Variants in FHIT observed in about 807,000 individuals in gnomAD.
The protein encoded by FHIT is fragile histidine triad diadenosine triphosphatase, also known as bis(5'-adenosyl)-triphosphatase.
Under a neutral mutation model 17.9 loss-of-function variants are expected in FHIT, and 19 were observed. That is an observed-to-expected ratio of 1.06 (90% confidence interval 0.74 to 1.56). FHIT has a LOEUF of 1.56. Among genes scored for constraint, FHIT ranks in the 40% most tolerant of loss-of-function variants. The pLI is 0.00. For synonymous variants in FHIT, 81 were observed against 69.7 expected (o/e 1.16, Z -0.81); for missense variants, 248 against 189.2 (o/e 1.31, Z -1.82).
intron 4 of FHIT, among the ~76,000 whole-genome samples, chr3:60,718,332 T>A (rs1195092815): frequency 6.6e-6 from 1 of 152,220 alleles, no homozygotes; most frequent in Non-Finnish European, 1.5e-5. Context: ...ATTCCTGGGA[T>A]CTTTCACATG....
chr3:60,869,502 G>A (rs1429923466), intron 3 of FHIT, among the ~76,000 whole-genome samples: 2 of 152,232 alleles, frequency 1.3e-5, no homozygotes, highest in African/African-American at 4.8e-5. Flanking sequence ...ACCTGTCATA[G>A]TTCTAGCCAC....
chr3:61,127,061 G>A (rs2036627805), intron 2 of FHIT, among the ~76,000 whole-genome samples: 1 of 152,212 alleles, frequency 6.6e-6, no homozygotes, highest in African/African-American at 2.4e-5. Flanking sequence ...CATCATAGTT[G>A]CCATCTCTTC....
At chr3:61,130,317 T>A (rs959889688) in intron 2 of FHIT, among the ~76,000 whole-genome samples, 1 of 152,242 alleles carries the variant, frequency 6.6e-6, no homozygotes, top group Non-Finnish European at 1.5e-5. Context: ...GTGTTACTTA[T>A]GAGTCCTCTG....
intron 5 of FHIT, among the ~76,000 whole-genome samples, chr3:60,176,502 T>A (rs34655159): frequency 0.4 from 61,511 of 152,086 alleles, 12,979 homozygotes; most frequent in East Asian, 0.52. Flanking sequence ...TTTAAGCATG[T>A]GTAGTACAGG....
intron 5 of FHIT, among the ~76,000 whole-genome samples, chr3:60,157,899 T>C (rs1700771505): frequency 6.8e-6 from 1 of 146,324 alleles, no homozygotes; most frequent in Non-Finnish European, 1.5e-5. Context: ...TGTGAAGACT[T>C]TGTCTTCAGG....
intron 4 of FHIT, among the ~76,000 whole-genome samples, chr3:60,725,654 A>G (rs2041902958): frequency 6.6e-6 from 1 of 152,134 alleles, no homozygotes; most frequent in African/African-American, 2.4e-5. Context: ...AACTTTTGCA[A>G]TTGGTGTTCT....
chr3:60,988,237 A>G (rs1383843436), intron 3 of FHIT, among the ~76,000 whole-genome samples: 5 of 152,228 alleles, frequency 3.3e-5, no homozygotes, highest in Non-Finnish European at 7.3e-5. Flanking sequence ...AAGAGAAAAA[A>G]TGTAATGTAA....
chr3:61,036,075 C>T (rs1023937868), intron 3 of FHIT, among the ~76,000 whole-genome samples: 2 of 152,180 alleles, frequency 1.3e-5, no homozygotes, highest in South Asian at 4.1e-4. Flanking sequence ...TTAATTGGCT[C>T]ACAGTTCTGG....
intron 5 of FHIT, among the ~76,000 whole-genome samples, chr3:60,468,079 G>T (rs2107438353): frequency 6.6e-6 from 1 of 152,078 alleles, no homozygotes; most frequent in Admixed American, 6.5e-5. Context: ...TTGTCTTGAA[G>T]GCTATTTTGT....
chr3:60,003,493 A>G (rs1302340492), intron 7 of FHIT, among the ~76,000 whole-genome samples: 1 of 152,118 alleles, frequency 6.6e-6, no homozygotes, highest in Non-Finnish European at 1.5e-5. Flanking sequence ...AAATGGTTCC[A>G]GAGCACTTTA....
At chr3:61,227,786 A>C (rs568015437) in intron 1 of FHIT, among the ~76,000 whole-genome samples, 3 of 152,280 alleles carry the variant, frequency 2.0e-5, no homozygotes, top group East Asian at 3.9e-4. Flanking sequence ...GGATATATTC[A>C]TGAGTATGTT....
intron 4 of FHIT, among the ~76,000 whole-genome samples, chr3:60,741,415 G>A (rs1553713839): frequency 6.6e-6 from 1 of 152,222 alleles, no homozygotes; most frequent in African/African-American, 2.4e-5. Context: ...CAAGTGGTCT[G>A]GCAGAAGCAT....
chr3:60,117,859 A>C lies in FHIT; in HGVS notation c.104-103707T>G, dbSNP rs1705048217. On this transcript the variant is annotated intron_variant, in intron 5 of 9. Transcript: ENST00000492590. ...CCTTCAGGATGTTCAAGGAGGAAGA[A>C]AGACCACCAACTGCAGGGTCAGTAC... Among the ~76,000 whole-genome samples, 3 of 152,164 alleles carry C rather than the reference A, an allele frequency of 2.0e-5. No individual in the cohort carries two copies. In the South Asian group the frequency reaches 6.2e-4, roughly 32 times the overall value.
At chr3:60,302,875 T>G (rs983946849) in intron 5 of FHIT, among the ~76,000 whole-genome samples, 1 of 152,154 alleles carries the variant, frequency 6.6e-6, no homozygotes, top group Admixed American at 6.5e-5. Context: ...TAAGGTATCT[T>G]AGACAAGACT....
At chr3:60,233,783 G>A (rs1422112480) in intron 5 of FHIT, among the ~76,000 whole-genome samples, 1 of 152,088 alleles carries the variant, frequency 6.6e-6, no homozygotes, top group Non-Finnish European at 1.5e-5. Context: ...TCTTGTGATA[G>A]TGAGTAAGTC....
At chr3:60,803,000 C>A (rs1553732786) in intron 4 of FHIT, among the ~76,000 whole-genome samples, 2 of 152,044 alleles carry the variant, frequency 1.3e-5, no homozygotes, top group African/African-American at 4.8e-5. Flanking sequence ...GGATGTTTGC[C>A]AAACCAAACC....
intron 5 of FHIT, among the ~76,000 whole-genome samples, chr3:60,177,599 A>T (rs572799335): frequency 2.6e-5 from 4 of 152,306 alleles, no homozygotes; most frequent in South Asian, 2.1e-4. Flanking sequence ...AAAGGTGTTT[A>T]TTGAAAGTGG....
chr3:60,062,460 T>C (rs1702331880), intron 5 of FHIT, among the ~76,000 whole-genome samples: 1 of 152,136 alleles, frequency 6.6e-6, no homozygotes, highest in African/African-American at 2.4e-5. Flanking sequence ...TTTAAAACAA[T>C]CCATTAAGAA....
chr3:61,022,439 T>C (rs1342425712), intron 3 of FHIT, among the ~76,000 whole-genome samples: 2 of 152,194 alleles, frequency 1.3e-5, no homozygotes, highest in Non-Finnish European at 2.9e-5. Flanking sequence ...TACCATTCCT[T>C]CTGAAACTAT....
Sources: gnomAD v4.1 joint callset for allele counts (sites outside exome capture counted in the v4.1 genomes callset) on GRCh38, gnomAD v4.1.1 for gene constraint, MANE v1.5 for transcripts, NCBI Gene and HGNC (gene_info 2026-07-23, HGNC 2026-07-21) for gene names.